The following NFATC1 variants were observed in gnomAD, a reference collection of about 807,000 sequenced individuals.
The protein encoded by NFATC1 is nuclear factor of activated T-cells, cytoplasmic 1.
A neutral mutation model predicts 76.0 loss-of-function variants in NFATC1; 22 were observed. The observed-to-expected ratio is 0.29, with a 90% CI of 0.21 to 0.41. NFATC1 has a LOEUF of 0.41. Among genes scored for constraint, NFATC1 ranks in the 10% least tolerant of loss-of-function variants. The pLI is 1.00. For missense variants in NFATC1, 1,357 were observed against 1,337.7 expected, an observed-to-expected ratio of 1.01 and a Z score of -0.23; for synonymous variants, 704 against 613.1, an observed-to-expected ratio of 1.15 and a Z score of -2.19.
chr18:79,499,342 TGTGA>T (rs1440800005), intron 9 of NFATC1, among the ~76,000 whole-genome samples: 3 of 108,658 alleles, frequency 2.8e-5, no homozygotes, highest in Non-Finnish European at 4.9e-5. Context: ...TATATATGTG[TGTGA>T]GTGTGTCACA....
rs55829785 is a variant in NFATC1 at position 79,467,509 on chromosome 18, C to T, written c.2019C>T (p.His673=). 2.2e-4 allele frequency: 350 copies of T among 1,613,826 alleles called. 3 individuals carry two copies. The highest frequency in any genetic ancestry group is 1.6e-3 in the Middle Eastern group (10 of 6,062). Residue 673 remains histidine (H), a synonymous_variant, in exon 8 of 10, where the codon CAC becomes CAT. Coordinates refer to ENST00000427363, the MANE Select transcript of NFATC1 (RefSeq NM_001278669.2). ...FRNQRITSPV[H]VSFYVCNGKR... ...ATCAGAGGATAACCAGCCCCGTTCACGTCAGTTTCTACGTCTGCAACGGGA... is the reference window on the plus strand; with the variant it reads ...ATCAGAGGATAACCAGCCCCGTTCATGTCAGTTTCTACGTCTGCAACGGGA...
At chr18:79,412,024 G>A (rs2085708951) in intron 2 of NFATC1, among the ~76,000 whole-genome samples, 1 of 152,224 alleles carries the variant, frequency 6.6e-6, no homozygotes, top group African/African-American at 2.4e-5. Context: ...GCTCAACAGT[G>A]CCCCAGAGCA....
intron 9 of NFATC1, among the ~76,000 whole-genome samples, chr18:79,507,054 C>G (rs553200186): frequency 4.7e-4 from 72 of 152,328 alleles, no homozygotes; most frequent in African/African-American, 1.7e-3. Flanking sequence ...CACCCCAGAG[C>G]TGTGGCTGGG....
intron 2 of NFATC1, among the ~76,000 whole-genome samples, chr18:79,426,423 T>C (rs2086337074): frequency 6.6e-6 from 1 of 152,080 alleles, no homozygotes; most frequent in South Asian, 2.1e-4. Context: ...CTGTCCTCCA[T>C]GCCACGTCCC....
intron 1 of NFATC1, among the ~76,000 whole-genome samples, chr18:79,406,814 C>T (rs1239640338): frequency 6.6e-6 from 1 of 152,168 alleles, no homozygotes; most frequent in East Asian, 1.9e-4. Flanking sequence ...TGGACTGCGT[C>T]CCTGTGCTTC....
intron 4 of NFATC1, among the ~76,000 whole-genome samples, chr18:79,449,696 G>A (rs1260318013): frequency 2.0e-5 from 3 of 152,208 alleles, no homozygotes; most frequent in African/African-American, 7.2e-5. Flanking sequence ...ACGGCGTCCT[G>A]CGAGGGTGAC....
chr18:79,481,482 G>A (rs2089269208), intron 8 of NFATC1, among the ~76,000 whole-genome samples: 1 of 152,242 alleles, frequency 6.6e-6, no homozygotes, highest in Admixed American at 6.5e-5. Flanking sequence ...GTCCTCTGCA[G>A]CCCCCTGACT....
intron 1 of NFATC1, among the ~76,000 whole-genome samples, chr18:79,399,012 A>G (rs1470807492): frequency 6.6e-6 from 1 of 152,252 alleles, no homozygotes; most frequent in African/African-American, 2.4e-5. Context: ...GGTTGCAGTG[A>G]GCAGAGATTG....
At chr18:79,411,791 GTC>G in intron 2 of NFATC1, among the ~76,000 whole-genome samples, 1 of 152,238 alleles carries the variant, frequency 6.6e-6, no homozygotes, top group African/African-American at 2.4e-5. Flanking sequence ...TGTTCGCTCA[GTC>G]TCTGCAAACA....
intron 9 of NFATC1, among the ~76,000 whole-genome samples, chr18:79,489,095 G>T (rs1419584404): frequency 6.6e-6 from 1 of 152,228 alleles, no homozygotes; most frequent in Non-Finnish European, 1.5e-5. Flanking sequence ...AGCCTCACCA[G>T]GTGGCCCGGG....
In NFATC1 at chr18:79,515,161, A is replaced by G. The variant is rs144349022; in HGVS notation, c.2783-12367A>G. On this transcript the variant is annotated intron_variant, in intron 9 of 9. Coordinates refer to ENST00000427363, the MANE Select transcript of NFATC1 (RefSeq NM_001278669.2). ...GGAGTTTGAGACCAGCGTGGCCAAC[A>G]TGGCGAAACCCCATCTCTACTAAAA... 2.3e-3 allele frequency among the ~76,000 whole-genome samples: 347 copies of G among 152,114 alleles called. 1 individual carries two copies. Among genetic ancestry groups the G allele is most frequent in the African/African-American group, 7.9e-3 (328 of 41,480 alleles).
intron 2 of NFATC1, among the ~76,000 whole-genome samples, chr18:79,423,837 G>A (rs780465749): frequency 3.9e-5 from 6 of 152,196 alleles, no homozygotes; most frequent in South Asian, 2.1e-4. Context: ...TGGGTCCCAC[G>A]TGGAGAGGAG....
At chr18:79,423,725 G>A (rs1054512647) in intron 2 of NFATC1, among the ~76,000 whole-genome samples, 1 of 152,172 alleles carries the variant, frequency 6.6e-6, no homozygotes, top group Admixed American at 6.5e-5. Flanking sequence ...TCCCACCCTG[G>A]CCCCAGTCAC....
At chr18:79,449,108 G>T in intron 4 of NFATC1, 124 bp downstream of exon 4, 1 of 858,780 alleles carries the variant, frequency 1.2e-6, no homozygotes, top group Non-Finnish European at 1.8e-6. Context: ...GACACTTTTG[G>T]TTTAACAGCC....
At chr18:79,396,838 G>A (rs1366310157) in intron 1 of NFATC1, among the ~76,000 whole-genome samples, 2 of 147,058 alleles carry the variant, frequency 1.4e-5, no homozygotes, top group Non-Finnish European at 3.0e-5. Flanking sequence ...CGTCTCCCTC[G>A]CGCCGCGCCC....
chr18:79,477,849 A>T (rs891719716), intron 8 of NFATC1, among the ~76,000 whole-genome samples: 1 of 152,190 alleles, frequency 6.6e-6, no homozygotes, highest in African/African-American at 2.4e-5. Context: ...CTCACATGGC[A>T]GGACAGGCGA....
Position 79,411,007 on chromosome 18 carries a change from C to T in NFATC1, c.732C>T (p.Ala244=), listed in dbSNP as rs774196209. ...PRHSPSTSPR[A]SVTEESWLGA... is the part of the protein sequence containing the mutation. ...ACTCCCCCTCCACCTCGCCCCGCGC[C>T]AGCGTCACTGAGGAGAGCTGGCTGG... The change falls in exon 2 of 10, where the codon GCC becomes GCT. Residue 244 remains alanine, a synonymous_variant. Coordinates refer to ENST00000427363, the MANE Select transcript of NFATC1 (RefSeq NM_001278669.2). 1.2e-6 allele frequency: 2 copies of T among 1,610,660 alleles called. No individual in the cohort carries two copies. The highest frequency in any genetic ancestry group is 2.7e-5 in the African/African-American group (2 of 74,900).
At chr18:79,449,094 C>A in intron 4 of NFATC1, 110 bp downstream of exon 4, 1 of 1,068,600 alleles carries the variant, frequency 9.4e-7, no homozygotes. Context: ...GGCTGCGTGG[C>A]CAGGACACTT....
chr18:79,414,679 C>T (rs1289579679), intron 2 of NFATC1, among the ~76,000 whole-genome samples: 1 of 152,166 alleles, frequency 6.6e-6, no homozygotes, highest in Non-Finnish European at 1.5e-5. Context: ...GGGACTGGCA[C>T]AGGAATCACA....
Sources: gnomAD v4.1 joint callset for allele counts (sites outside exome capture counted in the v4.1 genomes callset) on GRCh38, gnomAD v4.1.1 for gene constraint, MANE v1.5 for transcripts, NCBI Gene and HGNC (gene_info 2026-07-23, HGNC 2026-07-21) for gene names.